Variants in OSBPL9 observed in about 807,000 individuals in gnomAD.
OSBPL9 encodes the protein oxysterol binding protein like 9.
In OSBPL9, 40 loss-of-function variants were observed where a neutral mutation model predicts 106.6. The observed-to-expected ratio is 0.38, with a 90% CI of 0.29 to 0.49. OSBPL9 has a LOEUF of 0.49. Among genes scored for constraint, OSBPL9 ranks in the 20% least tolerant of loss-of-function variants. OSBPL9 has a pLI of 0.97. For missense variants in OSBPL9, 609 were observed against 887.2 expected, an observed-to-expected ratio of 0.69 and a Z score of 3.98; for synonymous variants, 269 against 295.4, an observed-to-expected ratio of 0.91 and a Z score of 0.92.
intron 7 of OSBPL9, 29 bp from the exon 8 acceptor site, chr1:51,750,116 A>G: frequency 6.5e-7 from 1 of 1,542,522 alleles, no homozygotes; most frequent in East Asian, 2.3e-5. Flanking sequence ...TTGAGCCAAG[A>G]TCCTAAAATC....
intron 2 of OSBPL9, among the ~76,000 whole-genome samples, chr1:51,654,943 G>A (rs1266248671): frequency 1.3e-5 from 2 of 152,164 alleles, no homozygotes; most frequent in East Asian, 3.8e-4. Flanking sequence ...AGTGTTTAAT[G>A]AGTATGGAGT....
chr1:51,765,825 G>T lies in OSBPL9; in HGVS notation c.782G>T (p.Ser261Ile), dbSNP rs767006251. Residue 261 changes from serine to isoleucine, a missense_variant, in exon 12 of 24, where the codon AGT becomes ATT. Transcript: ENST00000428468. ...TAAAACCCTTTTAACTTCCTAGGCA[G>T]TGGCCATTCACCACCGAGTAGCAGT... ...HQTPTPNSTG[S>I]GHSPPSSSLT... 6.2e-7 allele frequency: 1 copy of T among 1,609,914 alleles called. No homozygotes were observed. Among genetic ancestry groups the T allele is most frequent in the East Asian group, 2.2e-5 (1 of 44,578 alleles).
intron 4 of OSBPL9, among the ~76,000 whole-genome samples, chr1:51,738,471 ACTTT>A (rs1666195091): frequency 1.3e-5 from 2 of 152,018 alleles, no homozygotes; most frequent in African/African-American, 4.8e-5. Context: ...TATGAAAAAA[ACTTT>A]CTTTATATTG....
At position 51,787,932 on chromosome 1, in the gene OSBPL9, G is replaced by A. The variant is rs545664643; in HGVS notation, c.*143G>A. On this transcript the variant is annotated 3_prime_UTR_variant, in exon 24 of 24. Coordinates refer to ENST00000428468, the MANE Select transcript of OSBPL9 (RefSeq NM_024586.6). ...TCTCAGGGATACTGGACTTTCTGAC[G>A]CAGATGAACAATTAAGGGGAAAAGC... 1.0e-4 allele frequency: 70 copies of A among 689,506 alleles called. No homozygotes were observed. The highest frequency in any genetic ancestry group is 9.8e-4 in the Admixed American group (33 of 33,718). 42.7% of individuals were successfully genotyped at this position (689,506 alleles called of 1,614,324 possible).
chr1:51,592,418 G>C (rs1645281665), intron 1 of OSBPL9, among the ~76,000 whole-genome samples: 1 of 152,112 alleles, frequency 6.6e-6, no homozygotes, highest in African/African-American at 2.4e-5. Context: ...CCCGGCCGTT[G>C]CTAAGTCTTA....
At chr1:51,583,130 G>A (rs1242014272) in intron 1 of OSBPL9, among the ~76,000 whole-genome samples, 6 of 151,848 alleles carry the variant, frequency 4.0e-5, no homozygotes, top group Admixed American at 3.3e-4. Flanking sequence ...ATAATATCAG[G>A]CAATAATAAT....
chr1:51,566,434 C>T, the OSBPL9 span: 5 of 152,160 alleles, frequency 3.3e-5, no homozygotes, highest in African/African-American at 7.2e-5. Context: ...GCAAGAAGTC[C>T]CAGTCCTCCT....
At chr1:51,680,058 A>G (rs955868164) in intron 3 of OSBPL9, among the ~76,000 whole-genome samples, 1 of 152,126 alleles carries the variant, frequency 6.6e-6, no homozygotes, top group Non-Finnish European at 1.5e-5. Context: ...TCATTCTGCC[A>G]GCCTGGCCAA....
At chr1:51,627,711 T>C (rs1259172329) in intron 1 of OSBPL9, among the ~76,000 whole-genome samples, 1 of 150,640 alleles carries the variant, frequency 6.6e-6, no homozygotes, top group African/African-American at 2.5e-5. Context: ...GAAAAATGTC[T>C]CTCCTAATTC....
chr1:51,535,685 T>C, the OSBPL9 span, among the ~76,000 whole-genome samples: 4 of 152,018 alleles, frequency 2.6e-5, no homozygotes, highest in Admixed American at 2.6e-4. Context: ...GCCTCCCAAG[T>C]AGCTGGGACT....
rs554809876 is a variant in OSBPL9, at chr1:51,784,402, CTT to C, written c.1689-39_1689-38del. 539 of 1,613,358 alleles carry C rather than the reference CTT, an allele frequency of 3.3e-4. 1 individual carries two copies. In the African/African-American group the frequency reaches 6.6e-3, roughly 20 times the overall value. ...AGACATGCCCCTTCCCCCTCTTCCT[CTT>C]AACTGTCAACCTTACCTAAAAACTT... On this transcript the variant is annotated intron_variant, in intron 19 of 23. Transcript: ENST00000428468.
At chr1:51,739,595 A>G (rs1015437220) in intron 4 of OSBPL9, among the ~76,000 whole-genome samples, 2 of 152,034 alleles carry the variant, frequency 1.3e-5, no homozygotes, top group Admixed American at 6.6e-5. Context: ...GTGAAAGGAA[A>G]GGTTTAATAC....
the OSBPL9 span, among the ~76,000 whole-genome samples, chr1:51,537,420 TAGTGGGGAA>T: frequency 3.9e-5 from 6 of 152,132 alleles, no homozygotes; most frequent in Non-Finnish European, 8.8e-5. Context: ...AGCTACTCTT[TAGTGGGGAA>T]TGGTATTTAG....
chr1:51,530,170 C>CAAAAAAAAAAAA, the OSBPL9 span, among the ~76,000 whole-genome samples: 27 of 11,024 alleles, frequency 2.4e-3, no homozygotes, highest in African/African-American at 4.2e-3. Flanking sequence ...GACTCTGTCT[C>CAAAAAAAAAAAA]AAAAAAAAAA....
the OSBPL9 span, among the ~76,000 whole-genome samples, chr1:51,555,835 T>A: frequency 6.6e-6 from 1 of 152,218 alleles, no homozygotes; most frequent in South Asian, 2.1e-4. Context: ...CCTCCCAAAG[T>A]GCTGGGATTA....
chr1:51,768,790 A>G (rs1185855113), intron 12 of OSBPL9, among the ~76,000 whole-genome samples: 1 of 152,188 alleles, frequency 6.6e-6, no homozygotes, highest in Non-Finnish European at 1.5e-5. Context: ...GGCTTCTTCT[A>G]TTCCTGCTGT....
chr1:51,642,410 A>G (rs548844329), intron 1 of OSBPL9, among the ~76,000 whole-genome samples: 127 of 152,338 alleles, frequency 8.3e-4, no homozygotes, highest in South Asian at 3.7e-3. Context: ...TAATTTTATC[A>G]TGAATGCACA....
intron 16 of OSBPL9, 85 bp from the exon 17 acceptor site, chr1:51,782,474 C>A: frequency 9.3e-7 from 1 of 1,078,218 alleles, no homozygotes; most frequent in South Asian, 1.4e-5. Flanking sequence ...GTGTGTAGAG[C>A]GAGCAGAGAC....
chr1:51,528,977 C>T, the OSBPL9 span, among the ~76,000 whole-genome samples: 4 of 152,034 alleles, frequency 2.6e-5, no homozygotes, highest in Admixed American at 1.3e-4. Context: ...ATAAAAACTA[C>T]AAAATATCAT....
Sources: allele counts gnomAD v4.1 joint callset (sites outside exome capture counted in the v4.1 genomes callset), GRCh38; gene constraint gnomAD v4.1.1; transcripts MANE v1.5; gene names NCBI Gene and HGNC (gene_info 2026-07-23, HGNC 2026-07-21).